Variants in HEATR5B observed in about 807,000 individuals in gnomAD.
HEATR5B encodes HEAT repeat containing 5B, also known as HEAT repeat-containing protein 5B.
A neutral mutation model predicts 224.1 loss-of-function variants in HEATR5B; 156 were observed. The observed-to-expected ratio is 0.70, with a 90% CI of 0.61 to 0.80. The LOEUF (loss-of-function observed/expected upper bound fraction) is 0.80, where lower values mean the gene tolerates loss of function less well. Among genes scored for constraint, HEATR5B ranks in the 30% least tolerant of loss-of-function variants. HEATR5B has a pLI of 0.00. For missense variants in HEATR5B, 2,323 were observed against 2,535.5 expected (o/e 0.92, Z 1.80); for synonymous variants, 1,027 against 893.0 (o/e 1.15, Z -2.68).
chr2:37,053,508 T>G lies in HEATR5B; in HGVS notation c.2499A>C (p.Ala833=), dbSNP rs556525811. ...QLNIFTAVLS[A]LKGLAENKST... ...ATGTATTAAAAGTAAATACCTTTAG[T>G]GCACTAAGAACAGCAGTAAATATGT... The change falls in exon 17 of 36, where the codon GCA becomes GCC. Residue 833 remains alanine, a synonymous_variant. Coordinates refer to ENST00000233099, the MANE Select transcript of HEATR5B (RefSeq NM_019024.3). 25 of 1,581,240 alleles carry G rather than the reference T, an allele frequency of 1.6e-5. No homozygotes were observed. The South Asian group carries it at 2.3e-4, about 14-fold the overall frequency.
At chr2:36,999,556 G>A (rs1666950660) in intron 33 of HEATR5B, among the ~76,000 whole-genome samples, 1 of 151,870 alleles carries the variant, frequency 6.6e-6, no homozygotes, top group African/African-American at 2.4e-5. Context: ...GCGCACACCT[G>A]TAGTCCCAGC....
Position 37,076,860 on chromosome 2 carries a change from C to A in HEATR5B, c.447+51G>T. On this transcript the variant is annotated intron_variant, in intron 4 of 35. Coordinates refer to ENST00000233099, the MANE Select transcript of HEATR5B (RefSeq NM_019024.3). ...GAAACAAACATATTTTAGCTGACAT[C>A]TAACTCTTGCCACAAGCAAATATTC... is the stretch of plus-strand genomic sequence containing the variant. 2.2e-6 allele frequency: 3 copies of A among 1,375,520 alleles called. No homozygotes were observed. The East Asian group carries it at 6.9e-5, about 32-fold the overall frequency. The allele number at this position is 1,375,520 out of a possible 1,614,324, so 85.2% of individuals were successfully genotyped here.
rs746956903 is a variant in HEATR5B, at chr2:37,027,930, G to T, written c.3846C>A (p.Asn1282Lys). The T allele has an allele frequency of 6.2e-7, 1 of 1,613,394 alleles. No individual in the cohort carries two copies. The highest frequency in any genetic ancestry group is 1.7e-5 in the Admixed American group (1 of 59,962). Residue 1282 changes from asparagine to lysine, a missense_variant, in exon 24 of 36, where the codon AAC becomes AAA. Physicochemically the swap from Asn to Lys is moderately conservative, Grantham distance 94. This residue lies in a region of HEATR5B where 339 missense variants were observed against 378.4 expected (regional missense o/e 0.90). Transcript: ENST00000233099. ...TACTGATTTTAAATTTACTTGTAGG[G>T]TTTCGAAGTTTAGCAGAACGTGCCA... ...LALARSAKLR[N>K]PTNDLLVLHL...
In HEATR5B at chr2:37,050,031, T is replaced by C. The variant is rs187774159; in HGVS notation, c.2506-188A>G. On this transcript the variant is annotated intron_variant, in intron 17 of 35. Transcript: ENST00000233099. ...TCAGCCTCCTGAGTAGCTGGGACTATAGGCGCATGCCACCCTGCTGGGCTA... is the reference window on the plus strand; with the variant it reads ...TCAGCCTCCTGAGTAGCTGGGACTACAGGCGCATGCCACCCTGCTGGGCTA... Among the ~76,000 whole-genome samples, 149 of 151,880 alleles carry C rather than the reference T, an allele frequency of 9.8e-4. 2 individuals are homozygous for C. Among genetic ancestry groups the C allele is most frequent in the African/African-American group, 3.4e-3 (139 of 41,430 alleles).
intron 18 of HEATR5B, among the ~76,000 whole-genome samples, chr2:37,043,033 A>G (rs1311057965): frequency 6.6e-6 from 1 of 152,196 alleles, no homozygotes; most frequent in African/African-American, 2.4e-5. Context: ...CAGCAGAAAT[A>G]ATAGCCAACA....
Position 37,020,638 on chromosome 2 carries a change from TA to T in HEATR5B, c.4035+16del. The stretch of plus-strand genomic sequence containing the variant: ...AAAAGATCAATTTTAAGTTCTTAAA[TA>T]AATAGAAAATCTCACATTAGCCTGA... On this transcript the variant is annotated intron_variant, in intron 25 of 35. Coordinates refer to ENST00000233099, the MANE Select transcript of HEATR5B (RefSeq NM_019024.3). The T allele has an allele frequency of 8.0e-6, 12 of 1,508,000 alleles. No individual in the cohort carries two copies. The highest frequency in any genetic ancestry group is 9.7e-6 in the Non-Finnish European group (11 of 1,130,906). 93.4% of individuals were successfully genotyped at this position (1,508,000 alleles called of 1,614,324 possible). A position where few individuals can be genotyped will look rare whatever the true frequency, so the allele number is the denominator to read the frequency against.
At chr2:37,028,324 C>G (rs994049703) in intron 23 of HEATR5B, 150 bp from the exon 24 acceptor site, 1 of 497,960 alleles carries the variant, frequency 2.0e-6, no homozygotes, top group Non-Finnish European at 3.4e-6. Context: ...TTTTTTTAAA[C>G]AATCAAAAGC....
intron 18 of HEATR5B, among the ~76,000 whole-genome samples, chr2:37,045,716 T>C (rs1246974060): frequency 6.6e-6 from 1 of 152,200 alleles, no homozygotes; most frequent in African/African-American, 2.4e-5. Flanking sequence ...CTACACATTC[T>C]AGCTACCTTG....
chr2:36,991,201 T>C (rs1273410988), intron 33 of HEATR5B, among the ~76,000 whole-genome samples: 1 of 152,170 alleles, frequency 6.6e-6, no homozygotes. Flanking sequence ...TTCAATTTAG[T>C]AAATATGAAA....
intron 26 of HEATR5B, among the ~76,000 whole-genome samples, chr2:37,015,740 C>G (rs894663563): frequency 1.9e-4 from 29 of 152,274 alleles, no homozygotes; most frequent in African/African-American, 5.3e-4. Context: ...CAAAGTGCCA[C>G]TAAGAGACTT....
chr2:37,027,957 G>C lies in HEATR5B; in HGVS notation c.3819C>G (p.Ala1273=). The stretch of plus-strand genomic sequence containing the variant: ...TTCGAAGTTTAGCAGAACGTGCCAA[G>C]GCAAGATCAAAGTGAGCCTGGTCTG... The part of the protein sequence containing the change: ...ENADQAHFDL[A]LARSAKLRNP... Residue 1273 remains alanine (A), a synonymous_variant, in exon 24 of 36, where the codon GCC becomes GCG. Coordinates refer to ENST00000233099, the MANE Select transcript of HEATR5B (RefSeq NM_019024.3). The C allele has an allele frequency of 6.2e-7, 1 of 1,614,192 alleles. No individual in the cohort carries two copies. Among genetic ancestry groups the C allele is most frequent in the Non-Finnish European group, 8.5e-7 (1 of 1,180,006 alleles).
intron 22 of HEATR5B, among the ~76,000 whole-genome samples, chr2:37,029,617 T>A (rs1174865875): frequency 6.6e-6 from 1 of 150,416 alleles, no homozygotes; most frequent in Non-Finnish European, 1.5e-5. Flanking sequence ...TGAGCCAAGA[T>A]TGTGCCATTG....
intron 10 of HEATR5B, among the ~76,000 whole-genome samples, chr2:37,063,767 G>C (rs997018933): frequency 2.2e-4 from 33 of 151,946 alleles, no homozygotes; most frequent in African/African-American, 7.7e-4. Context: ...CATGATAGTA[G>C]TATACAACAG....
chr2:37,055,783 T>G lies in HEATR5B; in HGVS notation c.2399+657A>C, dbSNP rs886382872. On this transcript the variant is annotated intron_variant, in intron 16 of 35. Coordinates refer to ENST00000233099, the MANE Select transcript of HEATR5B (RefSeq NM_019024.3). ...CAGACCCAACAATACTTTTAAGGCA[T>G]TTTAATTTTGTAAAGCTTTTAAGTT... Among the ~76,000 whole-genome samples, 67 of 152,214 alleles carry G rather than the reference T, an allele frequency of 4.4e-4. 2 individuals are homozygous for G. Among genetic ancestry groups the G allele is most frequent in the Non-Finnish European group, 5.9e-5 (4 of 68,036 alleles).
At position 37,064,896 on chromosome 2, in the gene HEATR5B, T is replaced by C. The variant is rs907368330; in HGVS notation, c.1428A>G (p.Leu476=). 22 of 1,614,138 alleles carry C rather than the reference T, an allele frequency of 1.4e-5. No homozygotes were observed. Among genetic ancestry groups the C allele is most frequent in the Non-Finnish European group, 1.9e-5 (22 of 1,180,010 alleles). ...AWCLRCVAVA[L]PFQLTPFLDR... ...CTAGAAATGGTGTCAGCTGGAAAGG[T>C]AATGCCACAGCCACACAGCGCAAAC... Residue 476 remains leucine (L), a synonymous_variant, in exon 10 of 36, where the codon TTA becomes TTG. Coordinates refer to ENST00000233099, the MANE Select transcript of HEATR5B (RefSeq NM_019024.3).
At chr2:37,025,934 G>C (rs1668742858) in intron 24 of HEATR5B, among the ~76,000 whole-genome samples, 1 of 152,142 alleles carries the variant, frequency 6.6e-6, no homozygotes, top group African/African-American at 2.4e-5. Context: ...GTAGTAGGCA[G>C]AATATTAGCA....
intron 29 of HEATR5B, 53 bp downstream of exon 29, chr2:37,006,997 A>G: frequency 6.5e-7 from 1 of 1,546,910 alleles, no homozygotes; most frequent in South Asian, 1.1e-5. Context: ...AAAATGAAAG[A>G]TATGAATTTT....
chr2:37,009,566 A>C (rs1247461917), intron 27 of HEATR5B, among the ~76,000 whole-genome samples: 1 of 151,882 alleles, frequency 6.6e-6, no homozygotes, highest in Non-Finnish European at 1.5e-5. Flanking sequence ...ACCAGATTTG[A>C]GATCCTGTCT....
chr2:37,040,639 C>A (rs1323302368), intron 19 of HEATR5B, 121 bp from the exon 20 acceptor site: 1 of 642,600 alleles, frequency 1.6e-6, no homozygotes. Flanking sequence ...TGTGAAGTAG[C>A]AAATCCAGAT....
Sources: allele counts gnomAD v4.1 joint callset (sites outside exome capture counted in the v4.1 genomes callset), GRCh38; gene constraint gnomAD v4.1.1; regional missense constraint gnomAD v4.1.1; transcripts MANE v1.5; gene names NCBI Gene and HGNC (gene_info 2026-07-23, HGNC 2026-07-21).